The following TUT4 variants were observed in gnomAD, a reference collection of about 807,000 sequenced individuals.
The protein encoded by TUT4 is terminal uridylyl transferase 4.
TUT4 carries 36 observed loss-of-function variants against 192.2 expected under a neutral mutation model. The observed-to-expected ratio is 0.19, with a 90% CI of 0.14 to 0.25. The LOEUF (loss-of-function observed/expected upper bound fraction) is 0.25, where lower values mean the gene tolerates loss of function less well. Among genes scored for constraint, TUT4 ranks in the 10% least tolerant of loss-of-function variants. The pLI is 1.00. For synonymous variants in TUT4, 618 were observed against 666.0 expected, an observed-to-expected ratio of 0.93 and a Z score of 1.11; for missense variants, 1,493 against 1,957.2, an observed-to-expected ratio of 0.76 and a Z score of 4.47.
intron 4 of TUT4, among the ~76,000 whole-genome samples, chr1:52,508,518 CT>C (rs780677908): frequency 1.5e-4 from 23 of 152,136 alleles, no homozygotes; most frequent in Non-Finnish European, 3.1e-4. Flanking sequence ...TTGTCAGACA[CT>C]GTCCTAAGGA....
Position 52,481,405 on chromosome 1 carries a change from A to G in TUT4, c.1848+18T>C, listed in dbSNP as rs370965294. ...TCTACAGATAGAAAAGCCAAAAAAC[A>G]AAAACAAAAAGGCTTACTTTGCCAT... is the stretch of plus-strand genomic sequence containing the variant. On this transcript the variant is annotated intron_variant, in intron 11 of 29. Coordinates refer to ENST00000257177, the MANE Select transcript of TUT4 (RefSeq NM_001009881.3). 6.0e-5 allele frequency: 96 copies of G among 1,611,262 alleles called. No homozygotes were observed. The highest frequency in any genetic ancestry group is 7.8e-5 in the Non-Finnish European group (92 of 1,178,646).
chr1:52,537,886 G>C (rs1462805235), intron 1 of TUT4, among the ~76,000 whole-genome samples: 1 of 151,832 alleles, frequency 6.6e-6, no homozygotes, highest in Non-Finnish European at 1.5e-5. Context: ...ACTCCAGTCT[G>C]GGCAACAAGA....
chr1:52,499,130 A>G (rs1673407618), intron 4 of TUT4, among the ~76,000 whole-genome samples: 1 of 151,504 alleles, frequency 6.6e-6, no homozygotes, highest in African/African-American at 2.4e-5. Flanking sequence ...CAGGTCAGGT[A>G]GCCCACACCT....
chr1:52,445,037 ATATG>A (rs1175169493), intron 24 of TUT4, among the ~76,000 whole-genome samples: 2 of 150,092 alleles, frequency 1.3e-5, no homozygotes, highest in Non-Finnish European at 1.5e-5. Context: ...GTGTATATAT[ATATG>A]TGTGTGTGTG....
intron 19 of TUT4, among the ~76,000 whole-genome samples, chr1:52,459,819 T>C (rs11205959): frequency 0.35 from 53,261 of 151,522 alleles, 12,944 homozygotes; most frequent in African/African-American, 0.7. Flanking sequence ...GAGGTGGAGG[T>C]TGCAGTGAGC....
At chr1:52,537,562 A>G (rs1434179830) in intron 1 of TUT4, among the ~76,000 whole-genome samples, 1 of 152,242 alleles carries the variant, frequency 6.6e-6, no homozygotes, top group African/African-American at 2.4e-5. Flanking sequence ...CTTTTCAATA[A>G]CAGAACAACC....
At chr1:52,514,709 T>C (rs954587505) in intron 3 of TUT4, 12 of 152,170 alleles carry the variant, frequency 7.9e-5, no homozygotes, top group African/African-American at 2.9e-4. Context: ...TCAAGAATGA[T>C]GACCTATTTC....
intron 2 of TUT4, among the ~76,000 whole-genome samples, chr1:52,523,465 C>A (rs12064195): frequency 0.028 from 4,276 of 152,164 alleles, 141 homozygotes; most frequent in African/African-American, 0.08. Flanking sequence ...ATTAGCCAGG[C>A]ATGGTGGCGC....
intron 6 of TUT4, among the ~76,000 whole-genome samples, chr1:52,494,591 C>T (rs1024813559): frequency 5.3e-5 from 8 of 152,120 alleles, no homozygotes; most frequent in Non-Finnish European, 1.2e-4. Context: ...ACTCAGGAGG[C>T]TGAGACAGGA....
intron 2 of TUT4, among the ~76,000 whole-genome samples, chr1:52,519,066 T>C (rs1345903713): frequency 6.6e-6 from 1 of 152,078 alleles, no homozygotes; most frequent in Non-Finnish European, 1.5e-5. Flanking sequence ...ACAAAAACTT[T>C]TACACAAATG....
At chr1:52,510,549 A>G (rs1676878633) in intron 3 of TUT4, among the ~76,000 whole-genome samples, 1 of 152,198 alleles carries the variant, frequency 6.6e-6, no homozygotes, top group Non-Finnish European at 1.5e-5. Context: ...ATAAATGAAT[A>G]ACCTCTTGAG....
Position 52,423,855 on chromosome 1 carries a change from GA to G in TUT4, c.*79del. The G allele has an allele frequency of 6.4e-7, 1 of 1,573,920 alleles. No individual in the cohort carries two copies. Among genetic ancestry groups the G allele is most frequent in the South Asian group, 1.2e-5 (1 of 85,972 alleles). On this transcript the variant is annotated 3_prime_UTR_variant, in exon 30 of 30. Coordinates refer to ENST00000257177, the MANE Select transcript of TUT4 (RefSeq NM_001009881.3). Reference sequence around the variant, plus strand: ...TTTTCTGCTGAATGTAACTGACATTGAGGTACGGATACCCTTGAGACAGCAG... The same window carrying G: ...TTTTCTGCTGAATGTAACTGACATTGGGTACGGATACCCTTGAGACAGCAG...
chr1:52,545,966 C>CAAAAAAAAAAAAAAAA (rs71041901), intron 1 of TUT4, among the ~76,000 whole-genome samples: 2 of 72,406 alleles, frequency 2.8e-5, no homozygotes, highest in African/African-American at 4.1e-5. Context: ...TACAAAAATA[C>CAAAAAAAAAAAAAAAA]AAAAAAAAAA....
At position 52,534,731 on chromosome 1, in the gene TUT4, C is replaced by T. The variant is rs182383879; in HGVS notation, c.-93-8358G>A. Among the ~76,000 whole-genome samples, 241 of 151,476 alleles carry T rather than the reference C, an allele frequency of 1.6e-3. 2 individuals carry two copies. The highest frequency in any genetic ancestry group is 0.014 in the Middle Eastern group (4 of 290). On this transcript the variant is annotated intron_variant, in intron 1 of 29. Coordinates refer to ENST00000257177, the MANE Select transcript of TUT4 (RefSeq NM_001009881.3). ...AACAAAAATCAGCCAAATGTGGTGG[C>T]GCATGCCTGTGGTCCCAGCTACTTG...
intron 20 of TUT4, among the ~76,000 whole-genome samples, chr1:52,453,492 A>T (rs1182048817): frequency 2.0e-5 from 3 of 152,148 alleles, no homozygotes; most frequent in Non-Finnish European, 4.4e-5. Context: ...ATAGATGCAG[A>T]AAAAGCATTT....
In TUT4 at chr1:52,475,548, A is replaced by G; in HGVS notation, c.2024-13T>C. The G allele has an allele frequency of 6.3e-7, 1 of 1,590,554 alleles. No individual in the cohort carries two copies. The highest frequency in any genetic ancestry group is 2.3e-5 in the East Asian group (1 of 44,060). ...ACTGAAAATGGATCTAGCAAAAGAGAAAATGGTAAATAGCTAAGTCTCTAC... is the reference window on the plus strand; with the variant it reads ...ACTGAAAATGGATCTAGCAAAAGAGGAAATGGTAAATAGCTAAGTCTCTAC... On this transcript the variant is annotated splice_polypyrimidine_tract_variant and intron_variant, in intron 12 of 29. Transcript: ENST00000257177.
intron 20 of TUT4, among the ~76,000 whole-genome samples, chr1:52,446,955 G>A (rs569665772): frequency 6.6e-6 from 1 of 152,042 alleles, no homozygotes; most frequent in South Asian, 2.1e-4. Context: ...GAATAATGAA[G>A]CAAAACTTAA....
chr1:52,425,915 G>A (rs1649752470), intron 28 of TUT4, among the ~76,000 whole-genome samples: 1 of 152,056 alleles, frequency 6.6e-6, no homozygotes, highest in Admixed American at 6.6e-5. Flanking sequence ...ACAAAAGCCT[G>A]AAAGCAGGAA....
chr1:52,445,687 A>G (rs1044852927), intron 24 of TUT4, 100 bp downstream of exon 24: 2 of 857,044 alleles, frequency 2.3e-6, no homozygotes, highest in African/African-American at 3.4e-5. Context: ...AGCTATGACC[A>G]TCTCTTTCCC....
Sources: allele counts gnomAD v4.1 joint callset (sites outside exome capture counted in the v4.1 genomes callset), GRCh38; gene constraint gnomAD v4.1.1; transcripts MANE v1.5; gene names NCBI Gene and HGNC (gene_info 2026-07-23, HGNC 2026-07-21).